Variants in MAPK10 observed in about 807,000 individuals in gnomAD.
MAPK10 encodes JNK3 alpha protein kinase.
Under a neutral mutation model 59.3 loss-of-function variants are expected in MAPK10, and 25 were observed. That is an observed-to-expected ratio of 0.42 (90% CI 0.31 to 0.59). The LOEUF is 0.59. Among genes scored for constraint, MAPK10 ranks in the 20% least tolerant of loss-of-function variants. The pLI is 0.15. For missense variants in MAPK10, 351 were observed against 568.9 expected (o/e 0.62, Z 3.90); for synonymous variants, 190 against 200.5 (o/e 0.95, Z 0.44).
At chr4:86,529,746 G>T (rs929148749) in intron 1 of MAPK10, among the ~76,000 whole-genome samples, 5 of 152,120 alleles carry the variant, frequency 3.3e-5, no homozygotes, top group African/African-American at 1.2e-4. Context: ...ATCTCAGAAA[G>T]CCCTGCAGAA....
At chr4:86,398,050 T>A (rs1743200062) in intron 1 of MAPK10, among the ~76,000 whole-genome samples, 1 of 151,870 alleles carries the variant, frequency 6.6e-6, no homozygotes, top group Non-Finnish European at 1.5e-5. Flanking sequence ...CTAACACTAG[T>A]CTTCAACTCA....
upstream of MAPK10, among the ~76,000 whole-genome samples, chr4:86,363,761 A>T (rs991050648): frequency 2.6e-5 from 4 of 152,146 alleles, no homozygotes; most frequent in Non-Finnish European, 4.4e-5. Context: ...CTAAAATTTT[A>T]GTTAACTAAA....
intron 4 of MAPK10, among the ~76,000 whole-genome samples, chr4:86,126,239 C>T (rs1002636498): frequency 2.6e-5 from 4 of 151,944 alleles, no homozygotes; most frequent in African/African-American, 4.8e-5. Flanking sequence ...CTGCTCTGTC[C>T]CTCTTTGTCT....
chr4:86,518,631 G>GT (rs781104591), intron 1 of MAPK10, among the ~76,000 whole-genome samples: 165 of 135,798 alleles, frequency 1.2e-3, no homozygotes, highest in East Asian at 2.4e-3. Flanking sequence ...TCTGATCTTT[G>GT]TTTTTTTTTT....
rs138073777 is a variant in MAPK10 at position 86,266,683 on chromosome 4, A to G, written c.-6-72276T>C. On this transcript the variant is annotated intron_variant, in intron 2 of 13. Coordinates refer to ENST00000641462, the MANE Select transcript of MAPK10 (RefSeq NM_138982.4). ...GAGAAGTATGCATCAATAATATCTCAGTGAATCATAAATGAACCAGAATTT... is the reference window on the plus strand; with the variant it reads ...GAGAAGTATGCATCAATAATATCTCGGTGAATCATAAATGAACCAGAATTT... 5.8e-3 allele frequency among the ~76,000 whole-genome samples: 882 copies of G among 152,290 alleles called. 8 individuals are homozygous for G. Among genetic ancestry groups the G allele is most frequent in the African/African-American group, 0.02 (830 of 41,572 alleles).
chr4:86,246,956 G>A (rs1367161093), intron 2 of MAPK10, among the ~76,000 whole-genome samples: 16 of 152,228 alleles, frequency 1.1e-4, no homozygotes, highest in South Asian at 2.1e-4. Flanking sequence ...AGGGTAGTGT[G>A]CAACCTAAGT....
chr4:86,472,500 A>G (rs892511814), intron 1 of MAPK10, among the ~76,000 whole-genome samples: 3 of 152,196 alleles, frequency 2.0e-5, no homozygotes, highest in Non-Finnish European at 2.9e-5. Context: ...CAACAAAATT[A>G]GCAGAGCATG....
chr4:86,099,505 G>C (rs1276637321), intron 8 of MAPK10: 1 of 152,264 alleles, frequency 6.6e-6, no homozygotes, highest in Admixed American at 6.5e-5. Context: ...AGGTGCAGGG[G>C]ACAGCAGGGC....
intron 3 of MAPK10, among the ~76,000 whole-genome samples, chr4:86,163,408 A>C (rs1169342764): frequency 1.3e-5 from 2 of 152,146 alleles, no homozygotes; most frequent in Non-Finnish European, 2.9e-5. Context: ...GTGCCCATGA[A>C]AATATTCCAT....
At chr4:86,277,154 A>G (rs1391816575) in intron 2 of MAPK10, 2 of 150,176 alleles carry the variant, frequency 1.3e-5, no homozygotes, top group Non-Finnish European at 3.0e-5. Context: ...TTTTTTTTAG[A>G]CAAAGTCTGG....
chr4:86,323,276 G>A (rs1027562962), intron 2 of MAPK10, among the ~76,000 whole-genome samples: 3 of 152,166 alleles, frequency 2.0e-5, no homozygotes, highest in Non-Finnish European at 2.9e-5. Context: ...CTTCCTTACA[G>A]TCCATTTGAA....
chr4:86,510,337 T>C (rs1756126217), intron 1 of MAPK10, among the ~76,000 whole-genome samples: 1 of 152,016 alleles, frequency 6.6e-6, no homozygotes, highest in Non-Finnish European at 1.5e-5. Context: ...GGTCTGAAAC[T>C]CCTGGCCTCA....
chr4:86,541,796 C>T (rs1299258859), intron 1 of MAPK10, among the ~76,000 whole-genome samples: 2 of 152,140 alleles, frequency 1.3e-5, no homozygotes, highest in African/African-American at 2.4e-5. Flanking sequence ...CTTCCAAAGC[C>T]TGGGTGTTTT....
chr4:86,147,941 A>T (rs2065408942), intron 4 of MAPK10, among the ~76,000 whole-genome samples: 1 of 152,192 alleles, frequency 6.6e-6, no homozygotes, highest in South Asian at 2.1e-4. Context: ...TACTCCTGAA[A>T]TTAGTGGGTC....
intron 9 of MAPK10, among the ~76,000 whole-genome samples, chr4:86,075,922 C>G (rs1293868365): frequency 6.6e-6 from 1 of 152,072 alleles, no homozygotes. Context: ...TGGGCTCCAC[C>G]CAGTTCGAGT....
At chr4:86,132,846 G>A (rs1040775856) in intron 4 of MAPK10, among the ~76,000 whole-genome samples, 8 of 152,172 alleles carry the variant, frequency 5.3e-5, no homozygotes, top group Admixed American at 3.9e-4. Flanking sequence ...CTAGCTGCAG[G>A]AAAACAAGTT....
intron 1 of MAPK10, among the ~76,000 whole-genome samples, chr4:86,506,431 G>C (rs1168883617): frequency 6.6e-6 from 1 of 152,044 alleles, no homozygotes. Flanking sequence ...TTCAACTGTG[G>C]TTTCTTCATT....
intron 1 of MAPK10, among the ~76,000 whole-genome samples, chr4:86,527,975 G>A (rs547766866): frequency 6.6e-6 from 1 of 152,198 alleles, no homozygotes; most frequent in South Asian, 2.1e-4. Flanking sequence ...ATAAAGATGG[G>A]AACAATAGAC....
At chr4:86,533,412 T>C (rs139529540) in intron 1 of MAPK10, among the ~76,000 whole-genome samples, 2 of 152,214 alleles carry the variant, frequency 1.3e-5, no homozygotes, top group African/African-American at 2.4e-5. Flanking sequence ...AATTTTGCTA[T>C]GTATATACCA....
Sources: allele counts gnomAD v4.1 joint callset (sites outside exome capture counted in the v4.1 genomes callset), GRCh38; gene constraint gnomAD v4.1.1; transcripts MANE v1.5; gene names NCBI Gene and HGNC (gene_info 2026-07-23, HGNC 2026-07-21).